The following MMP26 variants were observed in gnomAD, a reference collection of about 807,000 sequenced individuals.
The protein encoded by MMP26 is matrix metalloproteinase-26.
In MMP26, 33 loss-of-function variants were observed where a neutral mutation model predicts 31.0. The observed-to-expected ratio is 1.06, with a 90% CI of 0.81 to 1.42. The LOEUF (loss-of-function observed/expected upper bound fraction) is 1.42. MMP26 is among the 40% of genes most tolerant of loss of function. The probability of loss-of-function intolerance (pLI) is 0.00; values close to 1 mark genes in which losing one functional copy is unlikely to be tolerated. For synonymous variants in MMP26, 122 were observed against 114.9 expected (o/e 1.06, Z -0.40); for missense variants, 347 against 316.1 (o/e 1.10, Z -0.74).
At chr11:4,915,474 T>G (rs1477626000) in intron 2 of MMP26, 8 of 1,613,984 alleles carry the variant, frequency 5.0e-6, no homozygotes, top group Non-Finnish European at 6.8e-6. Context: ...AAGAGATACA[T>G]AGGTTCATGA....
chr11:4,985,176 TAGTC>T (rs35888133), intron 2 of MMP26, among the ~76,000 whole-genome samples: 78,164 of 151,358 alleles, frequency 0.52, 21,125 homozygotes, highest in South Asian at 0.67. Context: ...ACTTAAAACT[TAGTC>T]AGATATAGAT....
intron 2 of MMP26, among the ~76,000 whole-genome samples, chr11:4,865,522 T>C (rs1850221722): frequency 2.0e-5 from 3 of 152,126 alleles, no homozygotes; most frequent in African/African-American, 7.2e-5. Flanking sequence ...ACATTCATTC[T>C]TGAAAACCTT....
intron 1 of MMP26, among the ~76,000 whole-genome samples, chr11:4,714,863 A>G (rs781116733): frequency 5.3e-5 from 8 of 151,816 alleles, no homozygotes; most frequent in Non-Finnish European, 1.0e-4. Context: ...TAACCCTCCA[A>G]TACTAGGACA....
intron 2 of MMP26, among the ~76,000 whole-genome samples, chr11:4,987,665 C>A (rs1846925618): frequency 6.6e-6 from 1 of 152,118 alleles, no homozygotes; most frequent in African/African-American, 2.4e-5. Flanking sequence ...GATCTGCCCT[C>A]CTCGGCCTCC....
chr11:4,923,750 T>C (rs1215613521), intron 2 of MMP26: 6 of 1,613,862 alleles, frequency 3.7e-6, no homozygotes, highest in Non-Finnish European at 3.4e-6. Context: ...ATAGATGTGA[T>C]TGACAATGAT....
At chr11:4,839,487 G>T (rs1046981146) in intron 2 of MMP26, among the ~76,000 whole-genome samples, 2 of 151,654 alleles carry the variant, frequency 1.3e-5, no homozygotes, top group African/African-American at 4.8e-5. Context: ...CTTGCATCTT[G>T]CAGGCCAGCT....
chr11:4,773,278 T>C (rs913298500), intron 2 of MMP26, among the ~76,000 whole-genome samples: 5 of 152,144 alleles, frequency 3.3e-5, no homozygotes, highest in African/African-American at 1.2e-4. Flanking sequence ...TCATCACATA[T>C]ATGTCATATA....
chr11:4,774,682 T>G (rs1283697770), intron 2 of MMP26, among the ~76,000 whole-genome samples: 1 of 152,192 alleles, frequency 6.6e-6, no homozygotes, highest in Non-Finnish European at 1.5e-5. Context: ...TTTTGGCAAT[T>G]TCATCATGAA....
intron 2 of MMP26, among the ~76,000 whole-genome samples, chr11:4,910,463 G>A (rs1850973793): frequency 6.6e-6 from 1 of 152,036 alleles, no homozygotes; most frequent in Non-Finnish European, 1.5e-5. Context: ...CATTAGGAGA[G>A]GGTGCACTCT....
At position 4,826,943 on chromosome 11, in the gene MMP26, G is replaced by C. The variant is rs546145708; in HGVS notation, c.-145+59602G>C. ...TGGATCCTTTTTCCCATTGCTGAAA[G>C]TCTACCTCATGAATCCTTAATTTCC... is the stretch of plus-strand genomic sequence containing the variant. On this transcript the variant is annotated intron_variant, in intron 2 of 7. Transcript: ENST00000380390. 3.9e-5 allele frequency among the ~76,000 whole-genome samples: 6 copies of C among 152,192 alleles called. No individual in the cohort carries two copies. In the South Asian group the frequency reaches 1.2e-3, roughly 32 times the overall value.
At chr11:4,903,050 T>C (rs995104656) in intron 2 of MMP26, among the ~76,000 whole-genome samples, 13 of 152,074 alleles carry the variant, frequency 8.5e-5, no homozygotes, top group African/African-American at 2.9e-4. Flanking sequence ...TATATATATA[T>C]CCTTATTTTA....
chr11:4,726,707 C>G (rs770908290), intron 1 of MMP26, among the ~76,000 whole-genome samples: 45 of 152,038 alleles, frequency 3.0e-4, no homozygotes, highest in Non-Finnish European at 5.7e-4. Context: ...TGTTTTATAA[C>G]TTTAAGTAGG....
In MMP26 at chr11:4,817,706, A is replaced by G. The variant is rs77714572; in HGVS notation, c.-145+50365A>G. ...TAAAGATAATGCAATAATTAAAAGG[A>G]AGCTGTAAACATATTTGGATCTGCT... is the stretch of plus-strand genomic sequence containing the variant. On this transcript the variant is annotated intron_variant, in intron 2 of 7. Transcript: ENST00000380390. Among the ~76,000 whole-genome samples the G allele has an allele frequency of 4.9e-3, 751 of 152,328 alleles. 6 individuals carry two copies. The highest frequency in any genetic ancestry group is 0.017 in the African/African-American group (710 of 41,576).
chr11:4,971,232 T>C (rs1261741533), intron 2 of MMP26, among the ~76,000 whole-genome samples: 1 of 152,148 alleles, frequency 6.6e-6, no homozygotes, highest in Non-Finnish European at 1.5e-5. Context: ...AAGCCTGAAC[T>C]TGGGCCTCTA....
chr11:4,949,865 A>G (rs1256947398), intron 2 of MMP26, among the ~76,000 whole-genome samples: 3 of 123,738 alleles, frequency 2.4e-5, no homozygotes, highest in African/African-American at 8.2e-5. Context: ...GAACTAATGT[A>G]TGTATACCCA....
At chr11:4,721,528 T>G (rs1319895520) in intron 1 of MMP26, among the ~76,000 whole-genome samples, 1 of 152,226 alleles carries the variant, frequency 6.6e-6, no homozygotes, top group African/African-American at 2.4e-5. Flanking sequence ...GTTTTGGAGC[T>G]TACTGGCTTT....
rs36063555 is a variant in MMP26 at position 4,951,365 on chromosome 11, T to C, written c.-144-36703T>C. ...TCACAATTACTGCTAGGTACAAAGG[T>C]ACTTAATCACTGATGCAGAATAATG... On this transcript the variant is annotated intron_variant, in intron 2 of 7. Coordinates refer to ENST00000380390, the MANE Select transcript of MMP26 (RefSeq NM_021801.5). Among the ~76,000 whole-genome samples the C allele has an allele frequency of 3.2e-5, 4 of 124,798 alleles. 1 individual carries two copies. In the South Asian group the frequency reaches 9.6e-4, roughly 30 times the overall value. The allele number at this position is 124,798 out of a possible 152,430, so 81.9% of individuals were successfully genotyped here.
At position 4,787,077 on chromosome 11, in the gene MMP26, C is replaced by T. The variant is rs17227928; in HGVS notation, c.-145+19736C>T. ...TCATCCAGCTCTTTTTCCTCCACAGCTCTGGCTTTATGGAATCCTCAGTAC... is the reference window on the plus strand; with the variant it reads ...TCATCCAGCTCTTTTTCCTCCACAGTTCTGGCTTTATGGAATCCTCAGTAC... On this transcript the variant is annotated intron_variant, in intron 2 of 7. Coordinates refer to ENST00000380390, the MANE Select transcript of MMP26 (RefSeq NM_021801.5). 1,453 of 153,266 alleles carry T rather than the reference C, an allele frequency of 9.5e-3. 15 individuals are homozygous for T. Among genetic ancestry groups the T allele is most frequent in the Non-Finnish European group, 0.012 (789 of 68,560 alleles). The allele number at this position is 153,266 out of a possible 1,614,324, so 9.5% of individuals were successfully genotyped here. A position where few individuals can be genotyped will look rare whatever the true frequency, so the allele number is the denominator to read the frequency against.
chr11:4,887,145 G>A (rs1457429190), intron 2 of MMP26, among the ~76,000 whole-genome samples: 2 of 151,268 alleles, frequency 1.3e-5, no homozygotes, highest in Non-Finnish European at 3.0e-5. Context: ...CTATTTTTTT[G>A]TTCTCATTGA....
Sources: gnomAD v4.1 joint callset for allele counts (sites outside exome capture counted in the v4.1 genomes callset) on GRCh38, gnomAD v4.1.1 for gene constraint, MANE v1.5 for transcripts, NCBI Gene and HGNC (gene_info 2026-07-23, HGNC 2026-07-21) for gene names.